Variants in PPP2R5C observed in about 807,000 individuals in gnomAD.
The protein encoded by PPP2R5C is protein phosphatase 2 regulatory subunit B'gamma.
Under a neutral mutation model 68.9 loss-of-function variants are expected in PPP2R5C, and 7 were observed. The observed-to-expected ratio is 0.10, with a 90% CI of 0.06 to 0.19. The LOEUF is 0.19. PPP2R5C is among the 10% of genes least tolerant of loss of function. PPP2R5C has a pLI of 1.00. For synonymous variants in PPP2R5C, 210 were observed against 222.2 expected (o/e 0.95, Z 0.49); for missense variants, 348 against 641.3 (o/e 0.54, Z 4.94).
chr14:101,803,242 G>A (rs921202683), intron 3 of PPP2R5C: 3 of 152,220 alleles, frequency 2.0e-5, no homozygotes, highest in East Asian at 1.9e-4. Flanking sequence ...CGCTTCAGCA[G>A]CACATAAACT....
At chr14:101,776,575 T>G (rs1024924397) in intron 2 of PPP2R5C, among the ~76,000 whole-genome samples, 2 of 152,072 alleles carry the variant, frequency 1.3e-5, no homozygotes, top group African/African-American at 4.8e-5. Flanking sequence ...CGTGGGGCCC[T>G]TGCTGTTCTC....
chr14:101,890,305 C>T lies in PPP2R5C; in HGVS notation c.689+9C>T. ...CTGGAAATATTGGGAAGGTAAGCCT[C>T]TGTTATGGGTAGCAAACGGCTGTAG... On this transcript the variant is annotated intron_variant, in intron 6 of 13. Coordinates refer to ENST00000334743, the Ensembl canonical transcript of PPP2R5C. The T allele has an allele frequency of 6.2e-7, 1 of 1,612,054 alleles. No homozygotes were observed. The highest frequency in any genetic ancestry group is 8.5e-7 in the Non-Finnish European group (1 of 1,178,202).
chr14:101,895,980 A>ATGC (rs891264505), intron 8 of PPP2R5C, among the ~76,000 whole-genome samples: 10 of 152,040 alleles, frequency 6.6e-5, no homozygotes, highest in Non-Finnish European at 1.2e-4. Context: ...ACCAGTGCTG[A>ATGC]TGCTGCTGCT....
intron 12 of PPP2R5C, among the ~76,000 whole-genome samples, chr14:101,912,881 G>A (rs543940409): frequency 1.8e-3 from 274 of 152,292 alleles, no homozygotes; most frequent in African/African-American, 6.4e-3. Context: ...TAAGTATGAC[G>A]TTTTGATGTC....
At chr14:101,771,839 TA>T (rs2139975657) in intron 2 of PPP2R5C, among the ~76,000 whole-genome samples, 1 of 152,294 alleles carries the variant, frequency 6.6e-6, no homozygotes, top group Admixed American at 6.5e-5. Context: ...ATCAAATTAC[TA>T]AGGGGCTCTG....
intron 10 of PPP2R5C, among the ~76,000 whole-genome samples, chr14:101,908,029 G>C (rs892337243): frequency 6.6e-6 from 1 of 152,206 alleles, no homozygotes; most frequent in Non-Finnish European, 1.5e-5. Flanking sequence ...TCACATTCCT[G>C]CCTTCCTCCT....
intron 9 of PPP2R5C, among the ~76,000 whole-genome samples, chr14:101,904,551 C>CT (rs1299943361): frequency 6.6e-6 from 1 of 152,196 alleles, no homozygotes; most frequent in Non-Finnish European, 1.5e-5. Flanking sequence ...ACGCCGCACT[C>CT]TCATGCATGC....
At chr14:101,853,954 C>T (rs541354514) in intron 1 of PPP2R5C, among the ~76,000 whole-genome samples, 1 of 152,258 alleles carries the variant, frequency 6.6e-6, no homozygotes, top group East Asian at 1.9e-4. Flanking sequence ...GCTGCGACAA[C>T]ACACACGAGC....
intron 2 of PPP2R5C, 112 bp downstream of exon 2, chr14:101,763,082 T>G (rs533395555): frequency 8.8e-6 from 7 of 799,260 alleles, no homozygotes; most frequent in South Asian, 4.1e-5. Flanking sequence ...CTATGTGAGG[T>G]TTTTTTTTTG....
At chr14:101,833,896 G>A (rs965681174) in intron 1 of PPP2R5C, among the ~76,000 whole-genome samples, 1 of 152,122 alleles carries the variant, frequency 6.6e-6, no homozygotes, top group East Asian at 1.9e-4. Context: ...CTGCCTCCAG[G>A]GTTCAAGTGA....
chr14:101,883,629 C>T (rs752574238), intron 5 of PPP2R5C, 67 bp downstream of exon 7: 134 of 1,562,966 alleles, frequency 8.6e-5, no homozygotes, highest in Non-Finnish European at 1.1e-4. Context: ...CGATGCTCCC[C>T]TACCCCATCG....
chr14:101,803,391 C>G (rs2038949164), intron 3 of PPP2R5C: 1 of 152,184 alleles, frequency 6.6e-6, no homozygotes, highest in Admixed American at 6.6e-5. Context: ...ACCTCTCTTT[C>G]TCACTATATA....
chr14:101,818,829 G>A (rs2039872049), intron 1 of PPP2R5C: 1 of 562,114 alleles, frequency 1.8e-6, no homozygotes, highest in Non-Finnish European at 3.2e-6. Context: ...AGTAGAATTT[G>A]AGCTGTTAAC....
At position 101,917,690 on chromosome 14, in the gene PPP2R5C, A is replaced by G. The variant is rs2046758071; in HGVS notation, c.1327-141A>G. On this transcript the variant is annotated intron_variant, in intron 12 of 13. Coordinates refer to ENST00000334743, the Ensembl canonical transcript of PPP2R5C. The surrounding 1 kb of genome is among the most constrained non-coding windows in gnomAD (Gnocchi z 4.4). ...AGCAGCCGCATCATGTTGCAGGTGT[A>G]GGCGAGTCTCCCACTGAGTGGGCTT... The G allele has an allele frequency of 5.6e-6, 6 of 1,069,022 alleles. No individual in the cohort carries two copies. The highest frequency in any genetic ancestry group is 6.7e-6 in the Non-Finnish European group (5 of 741,436). The allele number at this position is 1,069,022 out of a possible 1,614,324, so 66.2% of individuals were successfully genotyped here. A position where few individuals can be genotyped will look rare whatever the true frequency, so the allele number is the denominator to read the frequency against.
chr14:101,914,257 C>T (rs766701496), intron 12 of PPP2R5C: 10 of 451,556 alleles, frequency 2.2e-5, no homozygotes, highest in African/African-American at 6.0e-5. Flanking sequence ...TCTGTGTTGA[C>T]GCCATCTGTG....
intron 2 of PPP2R5C, among the ~76,000 whole-genome samples, chr14:101,857,255 A>G (rs1171772185): frequency 6.6e-6 from 1 of 152,228 alleles, no homozygotes; most frequent in Non-Finnish European, 1.5e-5. Context: ...TCAGAAGTAA[A>G]CATTTTGTCC....
Position 101,781,712 on chromosome 14 carries a change from G to A in PPP2R5C, c.94-4306G>A, listed in dbSNP as rs1389715153. Among the ~76,000 whole-genome samples the A allele has an allele frequency of 6.6e-6, 1 of 152,112 alleles. No individual in the cohort carries two copies. Among genetic ancestry groups the A allele is most frequent in the Non-Finnish European group, 1.5e-5 (1 of 67,974 alleles). ...GCCTCGCCCCGGAGCCCGGAGGAGG[G>A]GAGCCGGCCACCCGGGGAAGAAGCG... is the stretch of plus-strand genomic sequence containing the variant. On this transcript the variant is annotated intron_variant, in intron 2 of 14. Coordinates refer to the PPP2R5C transcript ENST00000328724. The surrounding 1 kb of genome is among the most constrained non-coding windows in gnomAD (Gnocchi z 6.4).
rs140806530 is a variant in PPP2R5C, at chr14:101,889,050, A to G, written c.630-1187A>G. On this transcript the variant is annotated intron_variant, in intron 5 of 13. Transcript: ENST00000334743. Reference sequence around the variant, plus strand: ...TGTGAAAATCCTCCTTCAGTACCCAATTCAAGCACCACCTCTCAGTGCATT... The same window carrying G: ...TGTGAAAATCCTCCTTCAGTACCCAGTTCAAGCACCACCTCTCAGTGCATT... 2.9e-3 allele frequency among the ~76,000 whole-genome samples: 439 copies of G among 152,256 alleles called. 6 individuals are homozygous for G. The highest frequency in any genetic ancestry group is 9.4e-3 in the African/African-American group (390 of 41,546).
intron 3 of PPP2R5C, among the ~76,000 whole-genome samples, chr14:101,803,039 A>C (rs1310891888): frequency 6.6e-6 from 1 of 151,580 alleles, no homozygotes; most frequent in Admixed American, 6.6e-5. Flanking sequence ...ACGTGGTGAA[A>C]CTCCATCTCT....
Sources: allele counts gnomAD v4.1 joint callset (sites outside exome capture counted in the v4.1 genomes callset), GRCh38; gene constraint gnomAD v4.1.1; non-coding constraint Gnocchi (gnomAD v3.1); transcripts MANE v1.5; gene names NCBI Gene and HGNC (gene_info 2026-07-23, HGNC 2026-07-21).